LHFPL2: variants seen among roughly 807,000 people sequenced by gnomAD.
LHFPL2 encodes LHFPL tetraspan subfamily member 2.
Under a neutral mutation model 17.5 loss-of-function variants are expected in LHFPL2, and 7 were observed. The ratio of observed to expected loss-of-function variants is 0.40; its 90% confidence interval spans 0.23 to 0.75. The LOEUF is 0.75. Among genes scored for constraint, LHFPL2 ranks in the 30% least tolerant of loss-of-function variants. LHFPL2 has a pLI of 0.37. For synonymous variants in LHFPL2, 134 were observed against 116.2 expected (o/e 1.15, Z -0.99); for missense variants, 241 against 294.8 (o/e 0.82, Z 1.34).
At chr5:78,496,648 C>T (rs2112297383) in intron 4 of LHFPL2, among the ~76,000 whole-genome samples, 1 of 152,296 alleles carries the variant, frequency 6.6e-6, no homozygotes, top group African/African-American at 2.4e-5. Flanking sequence ...TATGACACAG[C>T]TTAGACAGCA....
rs1358576311 is a variant in LHFPL2, at chr5:78,515,664, T to TA, written c.-185-5267dup. Among the ~76,000 whole-genome samples the TA allele has an allele frequency of 1.2e-4, 18 of 152,252 alleles. 1 individual carries two copies. Among genetic ancestry groups the TA allele is most frequent in the Admixed American group, 1.2e-3 (18 of 15,288 alleles). ...CCATCTCCCAGAGGAGAATGACAGC[T>TA]ACCTGTTTTAAAAAGTACATTCCTG... On this transcript the variant is annotated intron_variant, in intron 3 of 4. Coordinates refer to ENST00000380345, the MANE Select transcript of LHFPL2 (RefSeq NM_005779.3).
At chr5:78,549,241 C>A (rs941140331) in intron 3 of LHFPL2, 1 of 152,214 alleles carries the variant, frequency 6.6e-6, no homozygotes, top group African/African-American at 2.4e-5. Flanking sequence ...CTTACTTACA[C>A]AGAGGTCTCA....
chr5:78,628,893 G>A (rs532090408), intron 2 of LHFPL2, among the ~76,000 whole-genome samples: 1 of 152,192 alleles, frequency 6.6e-6, no homozygotes, highest in Non-Finnish European at 1.5e-5. Context: ...ATAAAGTCAG[G>A]AAAGATAAGC....
intron 2 of LHFPL2, among the ~76,000 whole-genome samples, chr5:78,598,269 G>T (rs1743894523): frequency 6.6e-6 from 1 of 152,188 alleles, no homozygotes; most frequent in South Asian, 2.1e-4. Flanking sequence ...ATCTCTTTGT[G>T]AAACTGGTTT....
intron 2 of LHFPL2, among the ~76,000 whole-genome samples, chr5:78,601,016 T>C (rs1029481882): frequency 3.9e-5 from 6 of 152,214 alleles, no homozygotes; most frequent in African/African-American, 1.4e-4. Context: ...TGCCCAACAC[T>C]TGACCAGCAT....
intron 3 of LHFPL2, among the ~76,000 whole-genome samples, chr5:78,562,473 A>G (rs1756754003): frequency 6.6e-6 from 1 of 152,166 alleles, no homozygotes; most frequent in Non-Finnish European, 1.5e-5. Context: ...AGTCTCTGCT[A>G]AAAATACAAA....
At chr5:78,635,079 G>A (rs1745386295) in intron 1 of LHFPL2, among the ~76,000 whole-genome samples, 1 of 152,152 alleles carries the variant, frequency 6.6e-6, no homozygotes, top group Non-Finnish European at 1.5e-5. Flanking sequence ...TTCTGTGTAA[G>A]TCCTCTGTCG....
chr5:78,580,729 A>G (rs1442764775), intron 2 of LHFPL2, among the ~76,000 whole-genome samples: 2 of 152,180 alleles, frequency 1.3e-5, no homozygotes, highest in African/African-American at 4.8e-5. Flanking sequence ...TACCAGTACC[A>G]TGCTGTTTTG....
chr5:78,597,485 T>C (rs915179575), intron 2 of LHFPL2, among the ~76,000 whole-genome samples: 1 of 152,160 alleles, frequency 6.6e-6, no homozygotes, highest in East Asian at 1.9e-4. Context: ...TATACCAAAG[T>C]GTGTCTCAGA....
At chr5:78,559,195 T>A (rs1428553028) in intron 3 of LHFPL2, among the ~76,000 whole-genome samples, 1 of 152,232 alleles carries the variant, frequency 6.6e-6, no homozygotes, top group East Asian at 1.9e-4. Flanking sequence ...TTAAAAGAAA[T>A]TTTGTGGCTT....
At position 78,520,350 on chromosome 5, in the gene LHFPL2, C is replaced by T. The variant is rs1391937757; in HGVS notation, c.-185-9952G>A. Among the ~76,000 whole-genome samples the T allele has an allele frequency of 2.0e-5, 3 of 152,142 alleles. No individual in the cohort carries two copies. In the East Asian group the frequency reaches 5.8e-4, roughly 29 times the overall value. On this transcript the variant is annotated intron_variant, in intron 3 of 4. Coordinates refer to ENST00000380345, the MANE Select transcript of LHFPL2 (RefSeq NM_005779.3). ...AGGCTCTCGGCTAATGGATGTGTGA[C>T]CTCGCACAGCTCCACTGCCTACTCT...
chr5:78,552,716 C>G (rs1031097269), intron 3 of LHFPL2, among the ~76,000 whole-genome samples: 1 of 152,212 alleles, frequency 6.6e-6, no homozygotes, highest in Non-Finnish European at 1.5e-5. Flanking sequence ...ACTATTAAAT[C>G]TAGCTAGATG....
intron 1 of LHFPL2, among the ~76,000 whole-genome samples, chr5:78,647,270 G>C (rs1561381739): frequency 6.6e-6 from 1 of 152,176 alleles, no homozygotes; most frequent in African/African-American, 2.4e-5. Flanking sequence ...GTTTCTAAAA[G>C]AGAACCAGTA....
At chr5:78,605,160 A>T (rs1193797225) in intron 2 of LHFPL2, among the ~76,000 whole-genome samples, 1 of 152,234 alleles carries the variant, frequency 6.6e-6, no homozygotes, top group Non-Finnish European at 1.5e-5. Context: ...CCAAGTGCAG[A>T]AGCCATGGCT....
At chr5:78,533,920 A>G (rs1246659000) in intron 3 of LHFPL2, among the ~76,000 whole-genome samples, 1 of 152,230 alleles carries the variant, frequency 6.6e-6, no homozygotes, top group East Asian at 1.9e-4. Flanking sequence ...AGTACAACAG[A>G]GGAGTGGAGG....
At chr5:78,641,600 A>G (rs1358841830) in intron 1 of LHFPL2, among the ~76,000 whole-genome samples, 1 of 152,196 alleles carries the variant, frequency 6.6e-6, no homozygotes, top group Non-Finnish European at 1.5e-5. Flanking sequence ...AAATATTTGT[A>G]AAATAGTCTC....
At chr5:78,631,321 C>T (rs1745238170) in intron 2 of LHFPL2, among the ~76,000 whole-genome samples, 1 of 152,160 alleles carries the variant, frequency 6.6e-6, no homozygotes, top group Non-Finnish European at 1.5e-5. Context: ...CCAAGGGAAG[C>T]CAAGGGGTCT....
intron 2 of LHFPL2, among the ~76,000 whole-genome samples, chr5:78,598,102 C>A (rs1743888729): frequency 6.6e-6 from 1 of 152,162 alleles, no homozygotes. Flanking sequence ...GGGTTCCCAC[C>A]CCATGTGTCA....
At chr5:78,533,603 A>G (rs1755851838) in intron 3 of LHFPL2, among the ~76,000 whole-genome samples, 1 of 152,194 alleles carries the variant, frequency 6.6e-6, no homozygotes, top group Admixed American at 6.5e-5. Context: ...AAAGGTTTAT[A>G]ATCTGGTCAG....
Sources: allele counts gnomAD v4.1 joint callset (sites outside exome capture counted in the v4.1 genomes callset), GRCh38; gene constraint gnomAD v4.1.1; transcripts MANE v1.5; gene names NCBI Gene and HGNC (gene_info 2026-07-23, HGNC 2026-07-21).